GPR19: variants seen among roughly 807,000 people sequenced by gnomAD.
GPR19 encodes the protein G protein-coupled receptor 19, also known as probable G protein-coupled receptor 19.
Under a neutral mutation model 28.5 loss-of-function variants are expected in GPR19, and 14 were observed. The observed-to-expected ratio is 0.49, with a 90% CI of 0.32 to 0.77. The LOEUF is 0.77. Among genes scored for constraint, GPR19 ranks in the 30% least tolerant of loss-of-function variants. GPR19 has a pLI of 0.03. For missense variants in GPR19, 409 were observed against 504.1 expected (o/e 0.81, Z 1.81); for synonymous variants, 173 against 184.1 (o/e 0.94, Z 0.49).
chr12:12,677,468 C>T (rs1348983624), intron 3 of GPR19, among the ~76,000 whole-genome samples: 2 of 151,898 alleles, frequency 1.3e-5, no homozygotes, highest in African/African-American at 2.4e-5. Flanking sequence ...TTCAATTCTG[C>T]GTTACACCAT....
the GPR19 span, among the ~76,000 whole-genome samples, chr12:12,704,029 T>C: frequency 6.6e-6 from 1 of 152,184 alleles, no homozygotes; most frequent in Non-Finnish European, 1.5e-5. Context: ...GGTGTGTATG[T>C]GGCGGGGGAA....
chr12:12,688,767 G>T (rs960906045), intron 2 of GPR19: 1 of 152,260 alleles, frequency 6.6e-6, no homozygotes, highest in African/African-American at 2.4e-5. Context: ...AGGGGCCAGG[G>T]GTACTGAGTC....
intron 3 of GPR19, among the ~76,000 whole-genome samples, chr12:12,664,735 A>C (rs974132757): frequency 2.1e-4 from 32 of 151,886 alleles, no homozygotes; most frequent in African/African-American, 7.3e-4. Flanking sequence ...CCTGGCTAAC[A>C]CAGTGAAACC....
Position 12,673,219 on chromosome 12 carries a change from G to A in GPR19, c.-22-10749C>T, listed in dbSNP as rs138694489. Among the ~76,000 whole-genome samples the A allele has an allele frequency of 5.9e-3, 900 of 152,328 alleles. 12 individuals are homozygous for A. The highest frequency in any genetic ancestry group is 0.02 in the African/African-American group (843 of 41,564). On this transcript the variant is annotated intron_variant, in intron 3 of 3. Transcript: ENST00000651487. ...ATAATCTTCTTCTGGCCAGTGACAA[G>A]AGAAAGTCTCCTGGCAGGGTGTTGG... is the stretch of plus-strand genomic sequence containing the variant.
chr12:12,665,560 C>A (rs990302215), intron 3 of GPR19, among the ~76,000 whole-genome samples: 2 of 152,092 alleles, frequency 1.3e-5, no homozygotes, highest in Non-Finnish European at 2.9e-5. Context: ...AAAGATCGGC[C>A]GAGCGCGGTG....
intron 3 of GPR19, among the ~76,000 whole-genome samples, chr12:12,666,945 G>A (rs967949950): frequency 6.6e-6 from 1 of 152,152 alleles, no homozygotes; most frequent in Non-Finnish European, 1.5e-5. Context: ...GAAAGCCAAG[G>A]TAATTTAGGT....
chr12:12,687,603 G>A (rs1470427160), intron 2 of GPR19, among the ~76,000 whole-genome samples: 2 of 152,166 alleles, frequency 1.3e-5, no homozygotes, highest in African/African-American at 4.8e-5. Flanking sequence ...TGCGTTGTCT[G>A]AATTTAAAAA....
intron 2 of GPR19, among the ~76,000 whole-genome samples, chr12:12,688,315 G>A (rs933653662): frequency 6.6e-6 from 1 of 151,194 alleles, no homozygotes; most frequent in African/African-American, 2.4e-5. Context: ...TGTTTAACCC[G>A]AATATAATCA....
At chr12:12,706,519 G>A in the GPR19 span, among the ~76,000 whole-genome samples, 1 of 152,036 alleles carries the variant, frequency 6.6e-6, no homozygotes, top group Non-Finnish European at 1.5e-5. Context: ...TGTATCTCCA[G>A]CACAGACCCT....
chr12:12,694,236 T>C (rs1946230103), intron 2 of GPR19, among the ~76,000 whole-genome samples: 1 of 120,384 alleles, frequency 8.3e-6, no homozygotes. Context: ...TCTCGCTCTG[T>C]CGCCCAGGCT....
intron 3 of GPR19, among the ~76,000 whole-genome samples, chr12:12,666,752 T>C (rs190503048): frequency 3.6e-4 from 55 of 152,332 alleles, no homozygotes; most frequent in Admixed American, 1.2e-3. Flanking sequence ...AATAAATGAC[T>C]CTTACTCTAT....
At chr12:12,671,890 G>T (rs1265511815) in intron 3 of GPR19, among the ~76,000 whole-genome samples, 1 of 151,986 alleles carries the variant, frequency 6.6e-6, no homozygotes, top group Non-Finnish European at 1.5e-5. Flanking sequence ...TATTTTATCA[G>T]TAGTGATTTC....
chr12:12,675,398 AAAT>A (rs1354520775), intron 3 of GPR19, among the ~76,000 whole-genome samples: 1 of 152,176 alleles, frequency 6.6e-6, no homozygotes, highest in African/African-American at 2.4e-5. Flanking sequence ...TATTTAAAGG[AAAT>A]AATGTGAGTA....
chr12:12,700,147 TTCTCTCTC>T (rs1203557862), upstream of GPR19, among the ~76,000 whole-genome samples: 15 of 31,822 alleles, frequency 4.7e-4, no homozygotes, highest in East Asian at 0.014. Context: ...CTCTTCTTTT[TTCTCTCTC>T]TTTCTTTCTC....
rs1366196889 is a variant in GPR19 at position 12,662,209 on chromosome 12, G to A, written c.240C>T (p.Ile80=). Reference sequence around the variant, plus strand: ...CCAAACAAACCAGGGAATTGCCGAAGATAGAAAACAACCACAGAATCCCAA... The same window carrying A: ...CCAAACAAACCAGGGAATTGCCGAAAATAGAAAACAACCACAGAATCCCAA... ...IFFGILWLFS[I]FGNSLVCLVI... is the part of the protein sequence containing the mutation. The change falls in exon 4 of 4, where the codon ATC becomes ATT. Residue 80 remains isoleucine, a synonymous_variant. Transcript: ENST00000651487. 2.5e-6 allele frequency: 4 copies of A among 1,614,102 alleles called. No individual in the cohort carries two copies. Among genetic ancestry groups the A allele is most frequent in the African/African-American group, 2.7e-5 (2 of 74,944 alleles).
chr12:12,682,327 C>A (rs917604090), intron 3 of GPR19, among the ~76,000 whole-genome samples: 3 of 152,188 alleles, frequency 2.0e-5, no homozygotes, highest in Non-Finnish European at 4.4e-5. Flanking sequence ...AAACTTCAGG[C>A]ATAATTTTGA....
At chr12:12,678,212 A>C (rs754041268) in intron 3 of GPR19, among the ~76,000 whole-genome samples, 2 of 152,002 alleles carry the variant, frequency 1.3e-5, no homozygotes, top group Non-Finnish European at 2.9e-5. Context: ...TAGGAGCTCG[A>C]CCTGTAATTC....
At chr12:12,690,094 T>C (rs1234570060) in intron 2 of GPR19, among the ~76,000 whole-genome samples, 4 of 152,194 alleles carry the variant, frequency 2.6e-5, no homozygotes, top group Non-Finnish European at 5.9e-5. Flanking sequence ...ACATAATGTT[T>C]TTGTTTGTTT....
intron 3 of GPR19, among the ~76,000 whole-genome samples, chr12:12,682,363 G>A (rs559818094): frequency 1.3e-5 from 2 of 152,264 alleles, no homozygotes; most frequent in Admixed American, 1.3e-4. Context: ...TACTACACAT[G>A]TGTCTCCTCA....
Sources: allele counts gnomAD v4.1 joint callset (sites outside exome capture counted in the v4.1 genomes callset), GRCh38; gene constraint gnomAD v4.1.1; transcripts MANE v1.5; gene names NCBI Gene and HGNC (gene_info 2026-07-23, HGNC 2026-07-21).